DNAI7: variants seen among roughly 807,000 people sequenced by gnomAD.
DNAI7 encodes dynein axonemal intermediate chain 7.
A neutral mutation model predicts 86.6 loss-of-function variants in DNAI7; 78 were observed. The observed-to-expected ratio is 0.90, with a 90% CI of 0.75 to 1.09. The LOEUF (loss-of-function observed/expected upper bound fraction) is 1.09, where lower values mean the gene tolerates loss of function less well. DNAI7 is among the 50% of genes least tolerant of loss of function. The pLI, the probability that DNAI7 is intolerant of heterozygous loss-of-function variation, is 0.00. For missense variants in DNAI7, 753 were observed against 810.2 expected (o/e 0.93, Z 0.86); for synonymous variants, 274 against 273.0 (o/e 1.00, Z -0.04).
intron 11 of DNAI7, among the ~76,000 whole-genome samples, chr12:25,120,485 G>A (rs1323407655): frequency 6.6e-6 from 1 of 152,078 alleles, no homozygotes; most frequent in Non-Finnish European, 1.5e-5. Flanking sequence ...CACTTTGGGA[G>A]GCCGAGGCGG....
At chr12:25,129,569 C>T (rs748683224) in intron 9 of DNAI7, among the ~76,000 whole-genome samples, 1 of 152,040 alleles carries the variant, frequency 6.6e-6, no homozygotes, top group African/African-American at 2.4e-5. Flanking sequence ...AATTTATCCA[C>T]GATGATCACA....
intron 13 of DNAI7, among the ~76,000 whole-genome samples, chr12:25,112,980 C>T (rs777405040): frequency 3.3e-5 from 5 of 152,070 alleles, no homozygotes; most frequent in Admixed American, 6.5e-5. Flanking sequence ...GTGTTTCAAT[C>T]GTCATATTAA....
At chr12:25,183,061 T>C (rs1194836978) in intron 2 of DNAI7, among the ~76,000 whole-genome samples, 2 of 151,824 alleles carry the variant, frequency 1.3e-5, no homozygotes, top group African/African-American at 2.4e-5. Flanking sequence ...TACACAGCCA[T>C]AAAAAGAATG....
chr12:25,176,189 A>G (rs928943416), intron 2 of DNAI7, among the ~76,000 whole-genome samples: 2 of 152,194 alleles, frequency 1.3e-5, no homozygotes, highest in African/African-American at 2.4e-5. Flanking sequence ...TTTCTATTTG[A>G]GTTCATATTT....
intron 11 of DNAI7, 85 bp downstream of exon 11, chr12:25,121,668 C>T (rs1050537516): frequency 6.3e-6 from 7 of 1,117,652 alleles, no homozygotes; most frequent in Non-Finnish European, 7.8e-6. Flanking sequence ...AAGGTTAAAG[C>T]TTATTAGATG....
chr12:25,129,962 A>G (rs911235326), intron 9 of DNAI7, among the ~76,000 whole-genome samples: 12 of 151,686 alleles, frequency 7.9e-5, no homozygotes, highest in African/African-American at 2.9e-4. Flanking sequence ...GGGTTTCTCC[A>G]TGTTGGTCAG....
At chr12:25,124,223 C>G (rs1006718111) in intron 9 of DNAI7, among the ~76,000 whole-genome samples, 1 of 152,108 alleles carries the variant, frequency 6.6e-6, no homozygotes, top group Non-Finnish European at 1.5e-5. Context: ...ACAAGTCCCC[C>G]TTAGTAGACT....
intron 4 of DNAI7, among the ~76,000 whole-genome samples, chr12:25,156,531 G>A (rs891662641): frequency 2.0e-5 from 3 of 152,080 alleles, no homozygotes; most frequent in African/African-American, 7.2e-5. Context: ...GAGGTGCATG[G>A]ATCACAAGGT....
intron 6 of DNAI7, among the ~76,000 whole-genome samples, chr12:25,150,327 G>C (rs983357811): frequency 2.0e-5 from 3 of 152,098 alleles, no homozygotes; most frequent in African/African-American, 7.2e-5. Context: ...AATGGAGGCC[G>C]GGCGCAGTGG....
In DNAI7 at chr12:25,108,338, G is replaced by C; in HGVS notation, c.*210C>G. The C allele has an allele frequency of 1.8e-6, 1 of 542,738 alleles. No individual in the cohort carries two copies. Among genetic ancestry groups the C allele is most frequent in the Non-Finnish European group, 3.1e-6 (1 of 318,900 alleles). 33.6% of individuals were successfully genotyped at this position (542,738 alleles called of 1,614,324 possible). On this transcript the variant is annotated 3_prime_UTR_variant, in exon 16 of 16. Coordinates refer to ENST00000395987, the MANE Select transcript of DNAI7 (RefSeq NM_018272.5). ...ATAAAGAATCATTTAAATCTTCATAGAGTGAAAGCTGAAATTCTTAACAGG... is the reference window on the plus strand; with the variant it reads ...ATAAAGAATCATTTAAATCTTCATACAGTGAAAGCTGAAATTCTTAACAGG...
chr12:25,119,306 T>C lies in DNAI7; in HGVS notation c.1240-5A>G, dbSNP rs779139307. 1 of 1,594,954 alleles carries C rather than the reference T, an allele frequency of 6.3e-7. No individual in the cohort carries two copies. The highest frequency in any genetic ancestry group is 8.6e-7 in the Non-Finnish European group (1 of 1,169,128). On this transcript the variant is annotated splice_region_variant and splice_polypyrimidine_tract_variant and intron_variant, in intron 11 of 15. Transcript: ENST00000395987. ...CTGTAATCCTTCTTTGAGTATCTTTTTAAAATGACCAAAACAACATCAAGT... is the reference window on the plus strand; with the variant it reads ...CTGTAATCCTTCTTTGAGTATCTTTCTAAAATGACCAAAACAACATCAAGT...
At chr12:25,186,762 G>A (rs181596513) in intron 2 of DNAI7, among the ~76,000 whole-genome samples, 1 of 152,132 alleles carries the variant, frequency 6.6e-6, no homozygotes, top group East Asian at 1.9e-4. Context: ...AGAGGAGGAT[G>A]CAATGGTAAA....
chr12:25,153,871 C>G (rs1229074587), intron 6 of DNAI7, among the ~76,000 whole-genome samples: 1 of 152,172 alleles, frequency 6.6e-6, no homozygotes, highest in African/African-American at 2.4e-5. Context: ...GCTAGTCTAA[C>G]CATCCTATTT....
chr12:25,108,176 CTG>C, downstream of DNAI7: 2 of 1,157,064 alleles, frequency 1.7e-6, no homozygotes, highest in Admixed American at 2.3e-5. Flanking sequence ...CTCAGAATGA[CTG>C]TAAGATAGCT....
chr12:25,137,927 G>A (rs1201811798), intron 9 of DNAI7, among the ~76,000 whole-genome samples: 4 of 151,706 alleles, frequency 2.6e-5, no homozygotes, highest in Non-Finnish European at 4.4e-5. Context: ...TGAGATAGAT[G>A]GCAACACAAT....
chr12:25,193,976 C>T (rs768696280), intron 1 of DNAI7, among the ~76,000 whole-genome samples: 28 of 152,166 alleles, frequency 1.8e-4, no homozygotes, highest in Non-Finnish European at 3.2e-4. Flanking sequence ...TGCGCGCCAA[C>T]ACGCCCGGCT....
In DNAI7 at chr12:25,158,443, C is replaced by A; in HGVS notation, c.198+29G>T. ...ATCTGATAGCCATAGTTTAAGTATT[C>A]ATTAAGAACATTATTAATGTTTATT... On this transcript the variant is annotated intron_variant, in intron 4 of 15. Transcript: ENST00000395987. 3 of 1,528,284 alleles carry A rather than the reference C, an allele frequency of 2.0e-6. No individual in the cohort carries two copies. The South Asian group carries it at 3.4e-5, about 17-fold the overall frequency. The allele number at this position is 1,528,284 out of a possible 1,614,324, so 94.7% of individuals were successfully genotyped here.
intron 2 of DNAI7, among the ~76,000 whole-genome samples, chr12:25,168,143 G>A (rs551147079): frequency 6.6e-6 from 1 of 152,232 alleles, no homozygotes; most frequent in Admixed American, 6.5e-5. Context: ...AGGAGTCTAG[G>A]TACAAGACAC....
chr12:25,110,489 C>T (rs953841215), intron 14 of DNAI7, among the ~76,000 whole-genome samples: 1 of 152,176 alleles, frequency 6.6e-6, no homozygotes, highest in Non-Finnish European at 1.5e-5. Flanking sequence ...CCATTACCTG[C>T]CGACCTCTTT....
Sources: gnomAD v4.1 joint callset for allele counts (sites outside exome capture counted in the v4.1 genomes callset) on GRCh38, gnomAD v4.1.1 for gene constraint, MANE v1.5 for transcripts, NCBI Gene and HGNC (gene_info 2026-07-23, HGNC 2026-07-21) for gene names.